ETFA: variants seen among roughly 807,000 people sequenced by gnomAD.
ETFA encodes the protein electron transfer flavoprotein subunit alpha, mitochondrial.
Under a neutral mutation model 46.2 loss-of-function variants are expected in ETFA, and 22 were observed. The ratio of observed to expected loss-of-function variants is 0.48; its 90% confidence interval spans 0.34 to 0.68. The LOEUF (loss-of-function observed/expected upper bound fraction) is 0.68. Ranked by LOEUF, ETFA falls within the 30% of genes least tolerant of loss-of-function variation. The pLI, the probability that ETFA is intolerant of heterozygous loss-of-function variation, is 0.01. For synonymous variants in ETFA, 131 were observed against 139.9 expected (o/e 0.94, Z 0.45); for missense variants, 345 against 401.1 (o/e 0.86, Z 1.19).
intron 9 of ETFA, among the ~76,000 whole-genome samples, chr15:76,258,696 A>C (rs1421226968): frequency 1.3e-5 from 2 of 152,148 alleles, no homozygotes; most frequent in Non-Finnish European, 2.9e-5. Flanking sequence ...CATGGTAACC[A>C]TGGAAACATA....
rs2039002996 is a variant in ETFA at position 76,226,247 on chromosome 15, T to C, written c.883-318A>G. ...CAAATCTATACCCAAATCCACAGCCTTTGTAGTGCAAATTATTTTGTCCTT... is the reference window on the plus strand; with the variant it reads ...CAAATCTATACCCAAATCCACAGCCCTTGTAGTGCAAATTATTTTGTCCTT... On this transcript the variant is annotated intron_variant, in intron 10 of 11. Transcript: ENST00000557943. 21 of 269,870 alleles carry C rather than the reference T, an allele frequency of 7.8e-5. No individual in the cohort carries two copies. In the South Asian group the frequency reaches 9.8e-4, roughly 13 times the overall value. The allele number at this position is 269,870 out of a possible 1,614,324, so 16.7% of individuals were successfully genotyped here. A position where few individuals can be genotyped will look rare whatever the true frequency, so the allele number is the denominator to read the frequency against.
chr15:76,274,869 C>T (rs943968973), intron 8 of ETFA, among the ~76,000 whole-genome samples: 2 of 152,128 alleles, frequency 1.3e-5, no homozygotes, highest in Non-Finnish European at 2.9e-5. Flanking sequence ...GAAGGTTTAA[C>T]CAGTATTTGC....
intron 9 of ETFA, among the ~76,000 whole-genome samples, chr15:76,270,607 C>T (rs1274155075): frequency 6.6e-6 from 1 of 152,058 alleles, no homozygotes; most frequent in Non-Finnish European, 1.5e-5. Context: ...TACTTTTCTT[C>T]AGCAAAAGGA....
intron 8 of ETFA, among the ~76,000 whole-genome samples, chr15:76,282,706 A>G (rs911026528): frequency 1.3e-5 from 2 of 152,222 alleles, no homozygotes; most frequent in Admixed American, 6.5e-5. Flanking sequence ...AGTTACAGGA[A>G]AACCCTCGAA....
chr15:76,240,445 A>G (rs1196846952), intron 9 of ETFA, among the ~76,000 whole-genome samples: 1 of 152,202 alleles, frequency 6.6e-6, no homozygotes. Context: ...CTTCACATCT[A>G]GTCTAATATG....
Position 76,311,414 on chromosome 15 carries a change from G to C in ETFA, c.-26C>G. 6.4e-7 allele frequency: 1 copy of C among 1,552,982 alleles called. No individual in the cohort carries two copies. The highest frequency in any genetic ancestry group is 8.7e-7 in the Non-Finnish European group (1 of 1,150,086). Reference sequence around the variant, plus strand: ...GGTCTCCGCTTCCGCCGCAACCTCGGCCTTACAGCAGCCCCGTGCCCGGCC... The same window carrying C: ...GGTCTCCGCTTCCGCCGCAACCTCGCCCTTACAGCAGCCCCGTGCCCGGCC... On this transcript the variant is annotated 5_prime_UTR_variant, in exon 1 of 12. Transcript: ENST00000557943.
At chr15:76,300,336 C>T (rs543477499) in intron 1 of ETFA, among the ~76,000 whole-genome samples, 1 of 152,116 alleles carries the variant, frequency 6.6e-6, no homozygotes, top group Admixed American at 6.5e-5. Context: ...TCCTCCAGCC[C>T]CTTCCCCATA....
At chr15:76,307,115 ATTG>A (rs1231300356) in intron 1 of ETFA, among the ~76,000 whole-genome samples, 1 of 152,178 alleles carries the variant, frequency 6.6e-6, no homozygotes, top group Admixed American at 6.5e-5. Context: ...TGACCTTGAA[ATTG>A]TTGTTTCACT....
intron 9 of ETFA, among the ~76,000 whole-genome samples, chr15:76,251,487 C>A (rs181267427): frequency 1.3e-5 from 2 of 152,046 alleles, no homozygotes; most frequent in African/African-American, 4.8e-5. Flanking sequence ...TACTAATAGA[C>A]GACAAAAATC....
chr15:76,255,709 G>T (rs1054141665), intron 9 of ETFA, among the ~76,000 whole-genome samples: 2 of 152,136 alleles, frequency 1.3e-5, no homozygotes, highest in Non-Finnish European at 2.9e-5. Flanking sequence ...TGAATCCTTG[G>T]CAATGAACAC....
At chr15:76,283,565 C>A (rs892634321) in intron 8 of ETFA, among the ~76,000 whole-genome samples, 192 bp downstream of exon 8, 1 of 152,084 alleles carries the variant, frequency 6.6e-6, no homozygotes, top group Non-Finnish European at 1.5e-5. Context: ...TACTAGGAGG[C>A]CTTCTCCTCA....
chr15:76,220,644 A>G (rs749912187), intron 11 of ETFA, among the ~76,000 whole-genome samples: 12 of 152,216 alleles, frequency 7.9e-5, no homozygotes, highest in Admixed American at 7.2e-4. Flanking sequence ...ACAAAAAGAT[A>G]ATGTGATTTA....
rs184140274 is a variant in ETFA, at chr15:76,249,527, C to T, written c.817-18129G>A. Among the ~76,000 whole-genome samples the T allele has an allele frequency of 3.9e-3, 586 of 149,642 alleles. 3 individuals carry two copies. Among genetic ancestry groups the T allele is most frequent in the African/African-American group, 0.013 (532 of 40,496 alleles). On this transcript the variant is annotated intron_variant, in intron 9 of 11. Coordinates refer to ENST00000557943, the MANE Select transcript of ETFA (RefSeq NM_000126.4). ...CGCGATCTCGGCTCACTGCAAGCTC[C>T]GCCTCCCGGGTTCATGCCATTCTCC...
chr15:76,262,476 T>C (rs1036890933), intron 9 of ETFA, among the ~76,000 whole-genome samples: 767 of 68,874 alleles, frequency 0.011, 16 homozygotes, highest in African/African-American at 0.033. Context: ...CAAACCCCCT[T>C]TTTTTTTTTT....
intron 8 of ETFA, among the ~76,000 whole-genome samples, chr15:76,280,509 T>C (rs1450588013): frequency 6.6e-6 from 1 of 152,110 alleles, no homozygotes; most frequent in Non-Finnish European, 1.5e-5. Context: ...CCTAGACGAC[T>C]GATATAGCCT....
intron 10 of ETFA, among the ~76,000 whole-genome samples, chr15:76,226,821 G>A (rs900038977): frequency 3.0e-4 from 46 of 152,358 alleles, no homozygotes; most frequent in African/African-American, 1.0e-3. Flanking sequence ...GGAGGTTGCA[G>A]TGAGCCGAGA....
intron 1 of ETFA, among the ~76,000 whole-genome samples, chr15:76,298,264 G>T (rs373711081): frequency 6.6e-6 from 1 of 152,092 alleles, no homozygotes; most frequent in African/African-American, 2.4e-5. Context: ...GGCTGGCCTT[G>T]AACTCCTGAC....
At position 76,260,851 on chromosome 15, in the gene ETFA, G is replaced by A. The variant is rs181018814; in HGVS notation, c.816+13561C>T. 115 of 1,611,710 alleles carry A rather than the reference G, an allele frequency of 7.1e-5. No homozygotes were observed. The East Asian group carries it at 8.5e-4, about 12-fold the overall frequency. On this transcript the variant is annotated intron_variant, in intron 9 of 11. Transcript: ENST00000557943. ...TAGCTGGTGGCAGGCACCAGGTCCC[G>A]GAGCAGGCAGGTAAAGGGGGGCACA...
At chr15:76,261,462 C>T in intron 9 of ETFA, 2 of 944,990 alleles carry the variant, frequency 2.1e-6, no homozygotes, top group Non-Finnish European at 3.3e-6. Flanking sequence ...CAGACCCATC[C>T]TTCACCCACT....
Sources: allele counts gnomAD v4.1 joint callset (sites outside exome capture counted in the v4.1 genomes callset), GRCh38; gene constraint gnomAD v4.1.1; transcripts MANE v1.5; gene names NCBI Gene and HGNC (gene_info 2026-07-23, HGNC 2026-07-21).